The following EFCAB14 variants were observed in gnomAD, a reference collection of about 807,000 sequenced individuals.
EFCAB14 encodes EF-hand calcium-binding domain-containing protein 14.
Under a neutral mutation model 56.5 loss-of-function variants are expected in EFCAB14, and 43 were observed. That is an observed-to-expected ratio of 0.76 (90% CI 0.60 to 0.98). The LOEUF (loss-of-function observed/expected upper bound fraction) is 0.98. EFCAB14 is among the 50% of genes least tolerant of loss of function. The pLI is 0.00. For synonymous variants in EFCAB14, 235 were observed against 212.9 expected (o/e 1.10, Z -0.90); for missense variants, 538 against 580.3 (o/e 0.93, Z 0.75).
chr1:46,692,447 C>A (rs1331977760), intron 4 of EFCAB14, among the ~76,000 whole-genome samples: 1 of 152,206 alleles, frequency 6.6e-6, no homozygotes, highest in Non-Finnish European at 1.5e-5. Flanking sequence ...TATAGACATT[C>A]CCCTTTATCA....
chr1:46,707,253 A>G (rs1466145158), intron 3 of EFCAB14, among the ~76,000 whole-genome samples: 1 of 152,198 alleles, frequency 6.6e-6, no homozygotes, highest in Non-Finnish European at 1.5e-5. Context: ...TAAATGGAAA[A>G]AGTAGGGATG....
Position 46,718,307 on chromosome 1 carries a change from T to C in EFCAB14, c.-220A>G, listed in dbSNP as rs1178220306. On this transcript the variant is annotated 5_prime_UTR_variant, in exon 1 of 11. The change abolishes an upstream ATG in the 5' untranslated region. Coordinates refer to ENST00000371933, the MANE Select transcript of EFCAB14 (RefSeq NM_014774.3). ...ACTCAGATGGGTGGGGGAAATCACA[T>C]AGAAATGGCCAAGGAGCTGGTGACC... is the stretch of plus-strand genomic sequence containing the variant. 9.9e-6 allele frequency: 5 copies of C among 502,824 alleles called. No homozygotes were observed. Among genetic ancestry groups the C allele is most frequent in the South Asian group, 5.7e-5 (2 of 35,344 alleles). The allele number at this position is 502,824 out of a possible 1,614,324, so 31.1% of individuals were successfully genotyped here. A position where few individuals can be genotyped will look rare whatever the true frequency, so the allele number is the denominator to read the frequency against.
chr1:46,678,613 T>C lies in EFCAB14; in HGVS notation c.1336A>G (p.Thr446Ala), dbSNP rs770619268. 1 of 1,613,104 alleles carries C rather than the reference T, an allele frequency of 6.2e-7. No homozygotes were observed. ...AGCTTCCCATCCACGTCCTGGCCAG[T>C]CTTGCGGAATAAATCCTGAAGATCT... is the stretch of plus-strand genomic sequence containing the variant. ...TEDLQDLFRK[T>A]GQDVDGKLTY... The change falls in exon 11 of 11, where the codon ACT (threonine) becomes GCT (alanine). Residue 446 changes from threonine to alanine, a missense_variant. Thr to Ala is a moderately conservative substitution (Grantham distance 58, BLOSUM62 0). Coordinates refer to ENST00000371933, the MANE Select transcript of EFCAB14 (RefSeq NM_014774.3).
At chr1:46,703,569 T>C (rs575376524) in intron 3 of EFCAB14, among the ~76,000 whole-genome samples, 4 of 152,332 alleles carry the variant, frequency 2.6e-5, no homozygotes, top group African/African-American at 7.2e-5. Context: ...CTAACACATG[T>C]ATTTTTTCCA....
chr1:46,712,885 C>T (rs1442047597), intron 2 of EFCAB14, among the ~76,000 whole-genome samples: 1 of 151,672 alleles, frequency 6.6e-6, no homozygotes, highest in Non-Finnish European at 1.5e-5. Context: ...TGGTGGCATG[C>T]GCCTGTAATT....
chr1:46,687,986 CCT>C (rs1228337137), intron 7 of EFCAB14, among the ~76,000 whole-genome samples: 1 of 152,132 alleles, frequency 6.6e-6, no homozygotes, highest in Non-Finnish European at 1.5e-5. Flanking sequence ...GGCTCCCACC[CCT>C]AATAACTTAA....
chr1:46,688,247 T>G (rs1676920646), intron 7 of EFCAB14, 106 bp downstream of exon 7: 1 of 1,058,106 alleles, frequency 9.5e-7, no homozygotes, highest in East Asian at 2.4e-5. Flanking sequence ...AACACAAATG[T>G]GTGGCCTCTC....
intron 1 of EFCAB14, 103 bp downstream of exon 1, chr1:46,717,800 C>A: frequency 7.8e-7 from 1 of 1,289,908 alleles, no homozygotes; most frequent in East Asian, 2.4e-5. Flanking sequence ...AGGCCTACAC[C>A]CTTTTTTCTT....
In EFCAB14 at chr1:46,689,700, A is replaced by C. The variant is rs17102441; in HGVS notation, c.691-9T>G. On this transcript the variant is annotated splice_polypyrimidine_tract_variant and intron_variant, in intron 5 of 10. Transcript: ENST00000371933. ...TTCAAGAAGTGCTGATTCTGTTAAG[A>C]GGAAAGAAGTTTAGTGTAGGCAACA... 6.8e-3 allele frequency: 10,994 copies of C among 1,612,824 alleles called. 223 individuals are homozygous for C. The highest frequency in any genetic ancestry group is 0.047 in the Admixed American group (2,790 of 59,986).
rs1222997226 is a variant in EFCAB14, at chr1:46,684,276, C to T, written c.1186+215G>A. ...ATGGAGAATTCTATTTCCAGCTAAA[C>T]ATTACCAATTCTTCCCTTAATAGAC... On this transcript the variant is annotated intron_variant, in intron 9 of 10. Transcript: ENST00000371933. 3 of 521,010 alleles carry T rather than the reference C, an allele frequency of 5.8e-6. No homozygotes were observed. In the Admixed American group the frequency reaches 1.0e-4, roughly 18 times the overall value. 32.3% of individuals were successfully genotyped at this position (521,010 alleles called of 1,614,324 possible). A position where few individuals can be genotyped will look rare whatever the true frequency, so the allele number is the denominator to read the frequency against.
chr1:46,687,076 T>C, intron 7 of EFCAB14: 1 of 593,320 alleles, frequency 1.7e-6, no homozygotes. Flanking sequence ...TTCTAGCTGT[T>C]TCAGTCACAA....
intron 3 of EFCAB14, among the ~76,000 whole-genome samples, chr1:46,697,861 T>C (rs1677099575): frequency 6.6e-6 from 1 of 151,324 alleles, no homozygotes; most frequent in East Asian, 1.9e-4. Context: ...TCTCTTTTTT[T>C]TTTTTTTTTT....
intron 10 of EFCAB14, among the ~76,000 whole-genome samples, chr1:46,680,517 A>G (rs1676775620): frequency 6.6e-6 from 1 of 152,222 alleles, no homozygotes. Flanking sequence ...AACACCCCAA[A>G]TAGGCAAATC....
At chr1:46,716,165 C>G in intron 2 of EFCAB14, 130 bp downstream of exon 2, 2 of 1,016,596 alleles carry the variant, frequency 2.0e-6, no homozygotes, top group Non-Finnish European at 2.8e-6. Flanking sequence ...ATGAGAATCA[C>G]TTGAACCTGG....
At chr1:46,715,745 C>T (rs1677378224) in intron 2 of EFCAB14, among the ~76,000 whole-genome samples, 1 of 152,018 alleles carries the variant, frequency 6.6e-6, no homozygotes, top group Admixed American at 6.6e-5. Context: ...ATTTCAGATG[C>T]TACTTGTCCT....
chr1:46,716,197 C>T lies in EFCAB14; in HGVS notation c.334+98G>A, dbSNP rs1047405305. 1.3e-5 allele frequency: 18 copies of T among 1,339,122 alleles called. 1 individual carries two copies. Among genetic ancestry groups the T allele is most frequent in the Middle Eastern group, 2.6e-4 (1 of 3,882 alleles). The allele number at this position is 1,339,122 out of a possible 1,614,324, so 83.0% of individuals were successfully genotyped here. A position where few individuals can be genotyped will look rare whatever the true frequency, so the allele number is the denominator to read the frequency against. ...CTGGGTGGCGGATGTTGCAGTGAGC[C>T]GAGATTGCGCCACTGTACTCCAGCC... On this transcript the variant is annotated intron_variant, in intron 2 of 10. Coordinates refer to ENST00000371933, the MANE Select transcript of EFCAB14 (RefSeq NM_014774.3).
rs571230514 is a variant in EFCAB14 at position 46,706,095 on chromosome 1, T to C, written c.480+1811A>G. Among the ~76,000 whole-genome samples the C allele has an allele frequency of 9.2e-5, 14 of 152,270 alleles. No homozygotes were observed. The South Asian group carries it at 2.3e-3, about 25-fold the overall frequency. ...TTGCCCAGGCTGATCTGGAACTCCT[T>C]GGATCAAGTGATTCTCCCACCTTGG... On this transcript the variant is annotated intron_variant, in intron 3 of 10. Coordinates refer to ENST00000371933, the MANE Select transcript of EFCAB14 (RefSeq NM_014774.3).
intron 4 of EFCAB14, among the ~76,000 whole-genome samples, chr1:46,695,335 A>G (rs1677063291): frequency 6.6e-6 from 1 of 152,100 alleles, no homozygotes; most frequent in Non-Finnish European, 1.5e-5. Flanking sequence ...CAACGGCAAG[A>G]ATCTGGCCTC....
In EFCAB14 at chr1:46,718,018, T is replaced by C. The variant is rs1265292890; in HGVS notation, c.70A>G (p.Lys24Glu). The C allele has an allele frequency of 1.2e-6, 2 of 1,614,062 alleles. No homozygotes were observed. The highest frequency in any genetic ancestry group is 1.3e-5 in the African/African-American group (1 of 74,924). The change falls in exon 1 of 11, where the codon AAA becomes GAA. Residue 24 changes from lysine to glutamate, a missense_variant. Transcript: ENST00000371933. ...AGDSRRKKPK[K>E]GPSSHRLLRT... Reference sequence around the variant, plus strand: ...AGCAGGCGGTGACTGCTTGGGCCTTTCTTGGGCTTCTTTCTCCGGCTGTCC... The same window carrying C: ...AGCAGGCGGTGACTGCTTGGGCCTTCCTTGGGCTTCTTTCTCCGGCTGTCC...
Sources: gnomAD v4.1 joint callset for allele counts (sites outside exome capture counted in the v4.1 genomes callset) on GRCh38, gnomAD v4.1.1 for gene constraint, MANE v1.5 for transcripts, NCBI Gene and HGNC (gene_info 2026-07-23, HGNC 2026-07-21) for gene names.